ARHGAP29: variants seen among roughly 807,000 people sequenced by gnomAD.
ARHGAP29 encodes the protein Rho GTPase activating protein 29, also known as rho GTPase-activating protein 29.
Under a neutral mutation model 122.6 loss-of-function variants are expected in ARHGAP29, and 43 were observed. The observed-to-expected ratio is 0.35, with a 90% confidence interval of 0.27 to 0.45. The LOEUF (loss-of-function observed/expected upper bound fraction) is 0.45. Ranked by LOEUF, ARHGAP29 falls within the 20% of genes least tolerant of loss-of-function variation. The pLI is 1.00. For synonymous variants in ARHGAP29, 506 were observed against 497.1 expected, an observed-to-expected ratio of 1.02 and a Z score of -0.24; for missense variants, 1,303 against 1,477.2, an observed-to-expected ratio of 0.88 and a Z score of 1.93.
chr1:94,256,716 G>C (rs1654368074), intron 1 of ARHGAP29, among the ~76,000 whole-genome samples: 2 of 150,600 alleles, frequency 1.3e-5, no homozygotes, highest in Non-Finnish European at 2.9e-5. Context: ...CCACTACCAC[G>C]CCCGGCTAAT....
At chr1:94,310,953 C>G in the ARHGAP29 span, among the ~76,000 whole-genome samples, 2 of 152,160 alleles carry the variant, frequency 1.3e-5, no homozygotes, top group African/African-American at 4.8e-5. Context: ...TTCTACTCTC[C>G]CACTTGCCCT....
rs148959325 is a variant in ARHGAP29 at position 94,201,749 on chromosome 1, C to G, written c.1252G>C (p.Val418Leu). ...TTAAGGGTAAGATCACACTGGAAAA[C>G]AAGTGTCCGGAGTTGTGCTAAAATT... ...REILAQLRTL[V>L]FQCDLTLKAV... Residue 418 changes from valine to leucine, a missense_variant, in exon 12 of 23, where the codon GTT becomes CTT. By Grantham distance (32) the Val-to-Leu change is conservative. This residue lies in a region of ARHGAP29 where 592 missense variants were observed against 648.2 expected (regional missense o/e 0.91). Coordinates refer to ENST00000260526, the MANE Select transcript of ARHGAP29 (RefSeq NM_004815.4). 11 of 1,613,666 alleles carry G rather than the reference C, an allele frequency of 6.8e-6. No homozygotes were observed. The highest frequency in any genetic ancestry group is 1.7e-5 in the Admixed American group (1 of 59,944).
chr1:94,209,338 G>C lies in ARHGAP29; in HGVS notation c.353C>G (p.Thr118Arg), dbSNP rs940546746. The change falls in exon 4 of 23, where the codon ACA becomes AGA. Residue 118 changes from threonine (T) to arginine (R), a missense_variant. Around this residue, in one of 3 missense-constraint regions of ARHGAP29, gnomAD observed 592 missense variants for 648.2 expected, o/e 0.91. Transcript: ENST00000260526. ...LTAKVKAVNF[T>R]EVNEENKNDL... ...GTTTTTGTTTTCTTCATTAACTTCT[G>C]TGAAGTTCACAGCTGTAAGGAAAAG... 2 of 1,605,036 alleles carry C rather than the reference G, an allele frequency of 1.2e-6. No individual in the cohort carries two copies. Among genetic ancestry groups the C allele is most frequent in the African/African-American group, 1.3e-5 (1 of 74,522 alleles).
chr1:94,188,783 A>G, intron 15 of ARHGAP29, 54 bp downstream of exon 15: 1 of 1,426,262 alleles, frequency 7.0e-7, no homozygotes, highest in Non-Finnish European at 9.8e-7. Flanking sequence ...AAATACCTAA[A>G]AAAGGACTGA....
Position 94,174,240 on chromosome 1 carries a change from A to T in ARHGAP29, c.3415T>A (p.Ser1139Thr), listed in dbSNP as rs779574171. ...TAGGAATCTGAAGACCGTCTCTCAGATGCCTCTCTCACTGACCTGACTGGC... is the reference window on the plus strand; with the variant it reads ...TAGGAATCTGAAGACCGTCTCTCAGTTGCCTCTCTCACTGACCTGACTGGC... ...AEPVRSVREA[S>T]ERRSSDSYPL... The change falls in exon 23 of 23, where the codon TCT (serine) becomes ACT (threonine). Residue 1139 changes from serine (S) to threonine (T), a missense_variant. Physicochemically the swap from Ser to Thr is moderately conservative, Grantham distance 58 (BLOSUM62 1). Transcript: ENST00000260526. 3.1e-6 allele frequency: 5 copies of T among 1,614,178 alleles called. No homozygotes were observed. The East Asian group carries it at 1.1e-4, about 36-fold the overall frequency.
chr1:94,171,731 AC>A lies in ARHGAP29; in HGVS notation c.*2137del, dbSNP rs1648751145. 1 of 152,174 alleles carries A rather than the reference AC, an allele frequency of 6.6e-6. No individual in the cohort carries two copies. Among genetic ancestry groups the A allele is most frequent in the Admixed American group, 6.5e-5 (1 of 15,276 alleles). 9.4% of individuals were successfully genotyped at this position (152,174 alleles called of 1,614,324 possible). ...CCAGGGAGCCCTAAAGGCAGAAAGG[AC>A]CCAAAAGTGAAATTCTCATTTTTAA... On this transcript the variant is annotated 3_prime_UTR_variant, in exon 23 of 23. Transcript: ENST00000260526.
intron 2 of ARHGAP29, among the ~76,000 whole-genome samples, chr1:94,229,626 G>A (rs1251194708): frequency 6.6e-6 from 1 of 151,660 alleles, no homozygotes. Flanking sequence ...GCCATAAATT[G>A]CAAACTTTTT....
At chr1:94,238,154 G>T (rs1305632570), upstream of ARHGAP29, among the ~76,000 whole-genome samples, 1 of 144,144 alleles carries the variant, frequency 6.9e-6, no homozygotes, top group Non-Finnish European at 1.5e-5. Flanking sequence ...TCCGCCTCCC[G>T]GGCTCAATTG....
At chr1:94,249,268 CAAG>C (rs1653983532) in intron 1 of ARHGAP29, 1 of 152,170 alleles carries the variant, frequency 6.6e-6, no homozygotes, top group Non-Finnish European at 1.5e-5. Context: ...GACACACAAA[CAAG>C]AAATCAAAGG....
chr1:94,210,550 T>A (rs1303324088), intron 3 of ARHGAP29, among the ~76,000 whole-genome samples: 8 of 152,168 alleles, frequency 5.3e-5, no homozygotes, highest in Non-Finnish European at 1.2e-4. Context: ...GATTGGCAGG[T>A]GGGAGGCTAA....
chr1:94,170,227 T>C lies in ARHGAP29; in HGVS notation c.*3642A>G, dbSNP rs994445810. Among the ~76,000 whole-genome samples, 1 of 152,198 alleles carries C rather than the reference T, an allele frequency of 6.6e-6. No homozygotes were observed. Among genetic ancestry groups the C allele is most frequent in the Non-Finnish European group, 1.5e-5 (1 of 68,034 alleles). On this transcript the variant is annotated 3_prime_UTR_variant, in exon 23 of 23. Coordinates refer to ENST00000260526, the MANE Select transcript of ARHGAP29 (RefSeq NM_004815.4). ...AACCAAGTGACCAAAATTAATACTATCAGGTATAAGACAAATTGACATTGT... is the reference window on the plus strand; with the variant it reads ...AACCAAGTGACCAAAATTAATACTACCAGGTATAAGACAAATTGACATTGT...
In ARHGAP29 at chr1:94,202,720, T is replaced by A. The variant is rs1160150225; in HGVS notation, c.967A>T (p.Asn323Tyr). 1 of 1,613,362 alleles carries A rather than the reference T, an allele frequency of 6.2e-7. No individual in the cohort carries two copies. Among genetic ancestry groups the A allele is most frequent in the Admixed American group, 1.7e-5 (1 of 59,944 alleles). Residue 323 changes from asparagine to tyrosine, a missense_variant, in exon 11 of 23, where the codon AAT (asparagine) becomes TAT (tyrosine). Asn to Tyr is a moderately radical substitution (Grantham distance 143, BLOSUM62 -2). This residue lies in a region of ARHGAP29 where 592 missense variants were observed against 648.2 expected (regional missense o/e 0.91). Transcript: ENST00000260526. Reference sequence around the variant, plus strand: ...AATAATTTTGCCTTTTTGAGAGCATTCTCTGCTTCAAGCTACACCGAAAAG... The same window carrying A: ...AATAATTTTGCCTTTTTGAGAGCATACTCTGCTTCAAGCTACACCGAAAAG... ...QEQNKMLEAE[N>Y]ALKKAKLLCM... is the part of the protein sequence containing the mutation.
At chr1:94,238,740 G>A (rs995904189), upstream of ARHGAP29, among the ~76,000 whole-genome samples, 2 of 152,054 alleles carry the variant, frequency 1.3e-5, no homozygotes, top group Non-Finnish European at 2.9e-5. Context: ...AAGGCAAAAA[G>A]AGAAAATAAG....
rs770792315 is a variant in ARHGAP29 at position 94,177,671 on chromosome 1, G to A, written c.2846C>T (p.Ser949Leu). ...TTGCTTGCGTTCTGATTCCTCAAATGATGTAGCTCGTTCAAAAATTTTGCT... is the reference window on the plus strand; with the variant it reads ...TTGCTTGCGTTCTGATTCCTCAAATAATGTAGCTCGTTCAAAAATTTTGCT... Reference protein sequence around the residue: ...SESKIFERATSFEESERKQNA... With the variant: ...SESKIFERATLFEESERKQNA... The change falls in exon 22 of 23, where the codon TCA becomes TTA. Residue 949 changes from serine (S) to leucine (L), a missense_variant. This residue lies in a region of ARHGAP29 where 620 missense variants were observed against 651.2 expected (regional missense o/e 0.95). Transcript: ENST00000260526. The A allele has an allele frequency of 6.2e-7, 1 of 1,613,234 alleles. No homozygotes were observed.
the ARHGAP29 span, among the ~76,000 whole-genome samples, chr1:94,288,484 A>C: frequency 6.6e-6 from 1 of 152,324 alleles, no homozygotes; most frequent in East Asian, 1.9e-4. Context: ...TTTGCAGTGC[A>C]GAAGCTCTTT....
the ARHGAP29 span, among the ~76,000 whole-genome samples, chr1:94,297,817 A>G: frequency 2.0e-5 from 3 of 152,128 alleles, no homozygotes; most frequent in Non-Finnish European, 2.9e-5. Flanking sequence ...CGGCTGCAGC[A>G]ATGAGGGGAG....
At chr1:94,217,850 TA>T (rs1038902427) in intron 3 of ARHGAP29, among the ~76,000 whole-genome samples, 4 of 8,972 alleles carry the variant, frequency 4.5e-4, no homozygotes, top group Admixed American at 2.7e-3. Flanking sequence ...CCCTATCTCT[TA>T]AAAAAAAACA....
At position 94,174,168 on chromosome 1, in the gene ARHGAP29, A is replaced by G. The variant is rs1648935500; in HGVS notation, c.3487T>C (p.Trp1163Arg). Residue 1163 changes from tryptophan to arginine, a missense_variant, in exon 23 of 23, where the codon TGG becomes CGG. Trp to Arg is a moderately radical substitution (Grantham distance 101). Around this residue, in one of 3 missense-constraint regions of ARHGAP29, gnomAD observed 620 missense variants for 651.2 expected, o/e 0.95. Coordinates refer to ENST00000260526, the MANE Select transcript of ARHGAP29 (RefSeq NM_004815.4). ...GCATGTGGTTTATAAAATGTTGTCC[A>G]ATGTTGAGGCTGCAGTGTTCTGGGT... Reference protein sequence around the residue: ...RAPRTLQPQHWTTFYKPHAPI... With the variant: ...RAPRTLQPQHRTTFYKPHAPI... The G allele has an allele frequency of 6.2e-7, 1 of 1,614,022 alleles. No homozygotes were observed. Among genetic ancestry groups the G allele is most frequent in the African/African-American group, 1.3e-5 (1 of 74,920 alleles).
chr1:94,222,988 G>A (rs1434283690), intron 2 of ARHGAP29, among the ~76,000 whole-genome samples: 4 of 149,730 alleles, frequency 2.7e-5, no homozygotes, highest in Non-Finnish European at 4.4e-5. Flanking sequence ...CTGTCTCCCA[G>A]GCTGGAGTGC....
Sources: allele counts gnomAD v4.1 joint callset (sites outside exome capture counted in the v4.1 genomes callset), GRCh38; gene constraint gnomAD v4.1.1; regional missense constraint gnomAD v4.1.1; transcripts MANE v1.5; gene names NCBI Gene and HGNC (gene_info 2026-07-23, HGNC 2026-07-21).